Variants in NHSL1 observed in about 807,000 individuals in gnomAD.
NHSL1 encodes NHS like 1.
A neutral mutation model predicts 95.0 loss-of-function variants in NHSL1; 48 were observed. The observed-to-expected ratio is 0.51, with a 90% CI of 0.40 to 0.64. The LOEUF (loss-of-function observed/expected upper bound fraction) is 0.64, where lower values mean the gene tolerates loss of function less well. Among genes scored for constraint, NHSL1 ranks in the 30% least tolerant of loss-of-function variants. The pLI, the probability that NHSL1 is intolerant of heterozygous loss-of-function variation, is 0.00. For synonymous variants in NHSL1, 783 were observed against 833.9 expected (o/e 0.94, Z 1.05); for missense variants, 1,971 against 2,077.7 (o/e 0.95, Z 1.00).
At chr6:138,637,721 G>A (rs185526197) in intron 1 of NHSL1, among the ~76,000 whole-genome samples, 1 of 152,194 alleles carries the variant, frequency 6.6e-6, no homozygotes, top group East Asian at 1.9e-4. Context: ...CAAAAGACAG[G>A]CAATAACAAA....
At chr6:138,684,908 TTAAG>T (rs1264945517) in intron 1 of NHSL1, among the ~76,000 whole-genome samples, 2 of 152,182 alleles carry the variant, frequency 1.3e-5, no homozygotes, top group Non-Finnish European at 2.9e-5. Flanking sequence ...AGAAACAGAA[TTAAG>T]TAAGTTACTA....
At chr6:138,631,315 C>T (rs576312641) in intron 1 of NHSL1, among the ~76,000 whole-genome samples, 1 of 152,260 alleles carries the variant, frequency 6.6e-6, no homozygotes, top group African/African-American at 2.4e-5. Flanking sequence ...CTAGGCAAGT[C>T]GTGCTGGACT....
intron 2 of NHSL1, among the ~76,000 whole-genome samples, chr6:138,485,604 T>C (rs565573702): frequency 3.2e-4 from 48 of 152,358 alleles, no homozygotes; most frequent in Non-Finnish European, 6.5e-4. Flanking sequence ...GGAGTTACTG[T>C]ACCCAGAGTA....
intron 5 of NHSL1, among the ~76,000 whole-genome samples, chr6:138,437,433 C>T (rs1776241359): frequency 2.5e-5 from 1 of 39,266 alleles, no homozygotes; most frequent in Non-Finnish European, 5.3e-5. Context: ...CACACACACA[C>T]ACACACACAC....
chr6:138,469,204 A>C (rs556626980), intron 3 of NHSL1, among the ~76,000 whole-genome samples: 2 of 152,328 alleles, frequency 1.3e-5, no homozygotes, highest in African/African-American at 4.8e-5. Flanking sequence ...AATAACTCAA[A>C]GAATTACTGT....
Position 138,499,459 on chromosome 6 carries a change from T to C in NHSL1, c.-169A>G, listed in dbSNP as rs1780556605. 2.2e-6 allele frequency: 3 copies of C among 1,392,270 alleles called. No individual in the cohort carries two copies. Among genetic ancestry groups the C allele is most frequent in the Non-Finnish European group, 1.9e-6 (2 of 1,063,154 alleles). The allele number at this position is 1,392,270 out of a possible 1,614,324, so 86.2% of individuals were successfully genotyped here. On this transcript the variant is annotated 5_prime_UTR_variant, in exon 1 of 8. Coordinates refer to ENST00000343505, the MANE Select transcript of NHSL1 (RefSeq NM_001144060.2). ...GATGTAACTGAGGTTGAGTTTATTG[T>C]CAGGCAGTTACAAACCATTAACAGT...
chr6:138,565,846 GC>G (rs1400056556), intron 1 of NHSL1, among the ~76,000 whole-genome samples: 15 of 152,058 alleles, frequency 9.9e-5, no homozygotes, highest in African/African-American at 3.1e-4. Flanking sequence ...AGGAGGCTGA[GC>G]GGGGAGGATC....
chr6:138,600,250 T>G (rs1415158778), intron 1 of NHSL1, among the ~76,000 whole-genome samples: 2 of 152,246 alleles, frequency 1.3e-5, no homozygotes, highest in Admixed American at 1.3e-4. Context: ...TCTTTTCTTT[T>G]CGAGACCAGT....
chr6:138,687,187 C>G (rs911455846), intron 1 of NHSL1, among the ~76,000 whole-genome samples: 2 of 151,898 alleles, frequency 1.3e-5, no homozygotes, highest in African/African-American at 4.8e-5. Flanking sequence ...GTAATCCCAG[C>G]TCTTTTGGGA....
rs944602578 is a variant in NHSL1 at position 138,423,344 on chromosome 6, A to C, written c.*737T>G. The C allele has an allele frequency of 6.6e-6, 1 of 152,198 alleles. No individual in the cohort carries two copies. The highest frequency in any genetic ancestry group is 1.5e-5 in the Non-Finnish European group (1 of 68,038). 9.4% of individuals were successfully genotyped at this position (152,198 alleles called of 1,614,324 possible). ...TAAAAAATTACCCACACTTCTAAAAATCAGGCTACAATTGTGTGTATGTGG... is the reference window on the plus strand; with the variant it reads ...TAAAAAATTACCCACACTTCTAAAACTCAGGCTACAATTGTGTGTATGTGG... On this transcript the variant is annotated 3_prime_UTR_variant, in exon 8 of 8. Coordinates refer to ENST00000343505, the MANE Select transcript of NHSL1 (RefSeq NM_001144060.2).
intron 1 of NHSL1, among the ~76,000 whole-genome samples, chr6:138,563,946 C>T (rs1404002522): frequency 1.3e-5 from 2 of 152,138 alleles, no homozygotes; most frequent in African/African-American, 4.8e-5. Flanking sequence ...GCAGGGAAAC[C>T]AGTTAAGAAA....
intron 1 of NHSL1, among the ~76,000 whole-genome samples, chr6:138,553,084 G>A (rs1281650770): frequency 2.0e-5 from 3 of 151,846 alleles, no homozygotes; most frequent in South Asian, 4.2e-4. Flanking sequence ...AAAAAATCAC[G>A]TTTCTACTTA....
intron 1 of NHSL1, among the ~76,000 whole-genome samples, chr6:138,594,191 T>C (rs1431230203): frequency 3.9e-5 from 6 of 152,142 alleles, no homozygotes; most frequent in African/African-American, 1.4e-4. Flanking sequence ...TTCAGCAGCT[T>C]CTAAGCAACA....
intron 5 of NHSL1, among the ~76,000 whole-genome samples, 184 bp downstream of exon 5, chr6:138,441,799 A>C (rs1776539012): frequency 1.3e-5 from 2 of 151,916 alleles, no homozygotes; most frequent in South Asian, 4.1e-4. Context: ...AAATTCAATC[A>C]ACTCTCTCTC....
intron 1 of NHSL1, among the ~76,000 whole-genome samples, chr6:138,658,411 A>T (rs530347992): frequency 6.6e-6 from 1 of 152,332 alleles, no homozygotes; most frequent in South Asian, 2.1e-4. Flanking sequence ...TCAACTTTTT[A>T]AAAATTCCAC....
chr6:138,612,796 A>C (rs1784531537), intron 1 of NHSL1, among the ~76,000 whole-genome samples: 1 of 152,060 alleles, frequency 6.6e-6, no homozygotes, highest in Admixed American at 6.5e-5. Context: ...AAAATGAGTG[A>C]GTTTGTGGAG....
exon 1 of NHSL1, chr6:138,572,036 C>T: frequency 1.0e-5 from 7 of 697,532 alleles, no homozygotes; most frequent in Non-Finnish European, 1.6e-5. Flanking sequence ...GACAGTCAGG[C>T]ACCGCATTAT....
chr6:138,500,824 A>G (rs577375825), upstream of NHSL1, among the ~76,000 whole-genome samples: 39 of 152,360 alleles, frequency 2.6e-4, no homozygotes, highest in Non-Finnish European at 2.9e-5. Context: ...ACAAAAGAAC[A>G]CATAGAAACG....
rs1277306516 is a variant in NHSL1 at position 138,458,306 on chromosome 6, C to A, written c.340-11113G>T. Among the ~76,000 whole-genome samples, 3 of 152,210 alleles carry A rather than the reference C, an allele frequency of 2.0e-5. No homozygotes were observed. In the East Asian group the frequency reaches 5.8e-4, roughly 29 times the overall value. ...GTTCTCATACCGGGTCAAGTCAGTT[C>A]TTCCTTACTGCTCTCTTGTTTTACA... On this transcript the variant is annotated intron_variant, in intron 3 of 7. Coordinates refer to ENST00000343505, the MANE Select transcript of NHSL1 (RefSeq NM_001144060.2).
Sources: gnomAD v4.1 joint callset for allele counts (sites outside exome capture counted in the v4.1 genomes callset) on GRCh38, gnomAD v4.1.1 for gene constraint, MANE v1.5 for transcripts, NCBI Gene and HGNC (gene_info 2026-07-23, HGNC 2026-07-21) for gene names.